Variants in SGCZ observed in about 807,000 individuals in gnomAD.
The protein encoded by SGCZ is sarcoglycan zeta, also known as zeta-sarcoglycan.
SGCZ carries 40 observed loss-of-function variants against 41.3 expected under a neutral mutation model. The ratio of observed to expected loss-of-function variants is 0.97; its 90% CI spans 0.75 to 1.26. The LOEUF is 1.26. Ranked by LOEUF, SGCZ falls within the 50% of genes most tolerant of loss-of-function variation. The probability of loss-of-function intolerance (pLI) is 0.00; values close to 1 mark genes in which losing one functional copy is unlikely to be tolerated. For synonymous variants in SGCZ, 206 were observed against 137.5 expected (o/e 1.50, Z -3.49); for missense variants, 552 against 369.8 (o/e 1.49, Z -4.04).
rs146098827 is a variant in SGCZ, at chr8:14,289,795, T to C, written c.336+34308A>G. Among the ~76,000 whole-genome samples, 1,052 of 151,324 alleles carry C rather than the reference T, an allele frequency of 7.0e-3. 14 individuals are homozygous for C. Among genetic ancestry groups the C allele is most frequent in the African/African-American group, 0.024 (996 of 41,268 alleles). On this transcript the variant is annotated intron_variant, in intron 3 of 7. Transcript: ENST00000382080. The stretch of plus-strand genomic sequence containing the variant: ...CTGTATTAGTCCATTTCCACCCTGC[T>C]ATAATGAACTACCTGAGACTAGATA...
chr8:14,749,798 G>A (rs1159112476), intron 1 of SGCZ, among the ~76,000 whole-genome samples: 2 of 152,034 alleles, frequency 1.3e-5, no homozygotes, highest in Non-Finnish European at 2.9e-5. Context: ...CTGTGATCCT[G>A]CCTCCACTGG....
intron 1 of SGCZ, among the ~76,000 whole-genome samples, chr8:15,152,823 T>C (rs1799220696): frequency 6.6e-6 from 1 of 152,166 alleles, no homozygotes; most frequent in East Asian, 1.9e-4. Flanking sequence ...CCTAAGTACC[T>C]ATATCAGATA....
intron 2 of SGCZ, among the ~76,000 whole-genome samples, chr8:14,328,393 G>C (rs1179971977): frequency 6.6e-6 from 1 of 150,578 alleles, no homozygotes; most frequent in Non-Finnish European, 1.5e-5. Context: ...CCTTGTCTTG[G>C]TTCTGCCACT....
chr8:14,352,682 T>C (rs1384651226), intron 2 of SGCZ, among the ~76,000 whole-genome samples: 3 of 152,188 alleles, frequency 2.0e-5, no homozygotes, highest in East Asian at 3.9e-4. Context: ...TTTAAAACCC[T>C]AGAAACTTTC....
In SGCZ at chr8:14,346,868, G is replaced by A. The variant is rs185901199; in HGVS notation, c.235-22664C>T. On this transcript the variant is annotated intron_variant, in intron 2 of 7. Transcript: ENST00000382080. ...TTTTAAACTAAGAATAAAGTTTAGG[G>A]CGTTTCCTTTTTTTCTTTCCCATCT... is the stretch of plus-strand genomic sequence containing the variant. Among the ~76,000 whole-genome samples, 274 of 151,992 alleles carry A rather than the reference G, an allele frequency of 1.8e-3. 1 individual carries two copies. Among genetic ancestry groups the A allele is most frequent in the Non-Finnish European group, 3.2e-3 (214 of 67,904 alleles).
At chr8:14,777,730 G>A (rs1190044507) in intron 1 of SGCZ, among the ~76,000 whole-genome samples, 4 of 152,102 alleles carry the variant, frequency 2.6e-5, no homozygotes, top group Admixed American at 2.0e-4. Flanking sequence ...GCATGTATGT[G>A]GGTATGTGTG....
chr8:14,678,535 C>G (rs940007635), intron 1 of SGCZ, among the ~76,000 whole-genome samples: 1 of 152,146 alleles, frequency 6.6e-6, no homozygotes, highest in Non-Finnish European at 1.5e-5. Context: ...ATTGACAACA[C>G]CAAATGCTAG....
chr8:15,019,471 C>T (rs997843378), intron 1 of SGCZ, among the ~76,000 whole-genome samples: 3 of 152,100 alleles, frequency 2.0e-5, no homozygotes, highest in Non-Finnish European at 4.4e-5. Context: ...TTTCCTCTTT[C>T]AGCCCCAGCA....
chr8:15,160,050 C>A (rs1799464128), intron 1 of SGCZ, among the ~76,000 whole-genome samples: 1 of 151,814 alleles, frequency 6.6e-6, no homozygotes, highest in Non-Finnish European at 1.5e-5. Flanking sequence ...ATAAGCTTTA[C>A]CATATTGGCC....
intron 2 of SGCZ, among the ~76,000 whole-genome samples, chr8:14,364,361 C>A (rs1398759887): frequency 6.6e-6 from 1 of 152,038 alleles, no homozygotes; most frequent in African/African-American, 2.4e-5. Flanking sequence ...CTATTTTTTT[C>A]TGGTCCACAT....
chr8:14,400,649 T>A (rs533848225), intron 2 of SGCZ, among the ~76,000 whole-genome samples: 3 of 152,300 alleles, frequency 2.0e-5, no homozygotes, highest in Non-Finnish European at 4.4e-5. Flanking sequence ...TACATGAACT[T>A]TGCATGTCTT....
chr8:14,514,249 G>A (rs916217967), intron 2 of SGCZ, among the ~76,000 whole-genome samples: 6 of 151,956 alleles, frequency 3.9e-5, no homozygotes, highest in African/African-American at 1.2e-4. Flanking sequence ...CACTTGATAC[G>A]GTATCAGAGA....
At chr8:14,311,920 A>G (rs1447803539) in intron 3 of SGCZ, among the ~76,000 whole-genome samples, 1 of 152,144 alleles carries the variant, frequency 6.6e-6, no homozygotes, top group Non-Finnish European at 1.5e-5. Flanking sequence ...TAGAATATAC[A>G]TATTTTGCAC....
chr8:15,228,670 G>T (rs1046844521), intron 1 of SGCZ, among the ~76,000 whole-genome samples: 2 of 152,148 alleles, frequency 1.3e-5, no homozygotes, highest in Non-Finnish European at 2.9e-5. Flanking sequence ...GGCCAAATTT[G>T]AGAGCAATAA....
chr8:14,676,346 A>ATGTGTG (rs33909996), intron 1 of SGCZ, among the ~76,000 whole-genome samples: 47,299 of 149,236 alleles, frequency 0.32, 9,042 homozygotes, highest in African/African-American at 0.55. Flanking sequence ...AATGAAATAG[A>ATGTGTG]TGTGTGTGTG....
chr8:14,302,043 C>G (rs974420747), intron 3 of SGCZ, among the ~76,000 whole-genome samples: 11 of 152,142 alleles, frequency 7.2e-5, no homozygotes, highest in African/African-American at 2.7e-4. Flanking sequence ...CTTTTTCACA[C>G]ACATTGTGAC....
chr8:15,176,733 G>A (rs886125200), intron 1 of SGCZ, among the ~76,000 whole-genome samples: 7 of 152,220 alleles, frequency 4.6e-5, no homozygotes, highest in Non-Finnish European at 7.3e-5. Context: ...CGGACACAGT[G>A]GCTCACGCCT....
At chr8:15,191,727 T>A (rs1800547711) in intron 1 of SGCZ, among the ~76,000 whole-genome samples, 1 of 151,864 alleles carries the variant, frequency 6.6e-6, no homozygotes, top group Non-Finnish European at 1.5e-5. Flanking sequence ...ACAAATAATA[T>A]GCTAGGAATA....
intron 1 of SGCZ, among the ~76,000 whole-genome samples, chr8:14,906,584 T>C (rs1799126140): frequency 2.0e-5 from 3 of 152,220 alleles, no homozygotes; most frequent in Admixed American, 2.0e-4. Context: ...TCTAAGATGT[T>C]TGAAACATCA....
Sources: allele counts gnomAD v4.1 joint callset (sites outside exome capture counted in the v4.1 genomes callset), GRCh38; gene constraint gnomAD v4.1.1; transcripts MANE v1.5; gene names NCBI Gene and HGNC (gene_info 2026-07-23, HGNC 2026-07-21).